Variants in THEMIS observed in about 807,000 individuals in gnomAD.
THEMIS encodes thymocyte selection associated.
THEMIS carries 37 observed loss-of-function variants against 52.6 expected under a neutral mutation model. That is an observed-to-expected ratio of 0.70 (90% CI 0.54 to 0.93). The LOEUF is 0.93. Ranked by LOEUF, THEMIS falls within the 40% of genes least tolerant of loss-of-function variation. The pLI is 0.00. For synonymous variants in THEMIS, 292 were observed against 272.7 expected, an observed-to-expected ratio of 1.07 and a Z score of -0.70; for missense variants, 808 against 763.1, an observed-to-expected ratio of 1.06 and a Z score of -0.69.
chr6:127,755,309 G>A (rs941973544), intron 4 of THEMIS, among the ~76,000 whole-genome samples: 6 of 152,142 alleles, frequency 3.9e-5, no homozygotes, highest in Non-Finnish European at 5.9e-5. Flanking sequence ...TTAGGGATTG[G>A]TTAGTTTGGC....
intron 5 of THEMIS, among the ~76,000 whole-genome samples, chr6:127,712,809 T>G (rs188345119): frequency 8.6e-4 from 131 of 152,032 alleles, no homozygotes; most frequent in African/African-American, 3.2e-3. Flanking sequence ...CAAAATGAAG[T>G]TATAAGCATA....
intron 1 of THEMIS, among the ~76,000 whole-genome samples, chr6:127,896,646 T>G (rs2114490142): frequency 6.6e-6 from 1 of 151,538 alleles, no homozygotes; most frequent in East Asian, 1.9e-4. Context: ...AAATTCAAAG[T>G]GCTAAACTTA....
At chr6:127,895,308 A>G (rs1238462253) in intron 1 of THEMIS, among the ~76,000 whole-genome samples, 1 of 151,516 alleles carries the variant, frequency 6.6e-6, no homozygotes, top group Non-Finnish European at 1.5e-5. Flanking sequence ...TGAAGGCTCT[A>G]GCCTGTAATA....
intron 4 of THEMIS, among the ~76,000 whole-genome samples, chr6:127,790,457 CAAG>C (rs1268661298): frequency 6.6e-6 from 1 of 152,106 alleles, no homozygotes; most frequent in Non-Finnish European, 1.5e-5. Context: ...ACATATGAAA[CAAG>C]AAAATTAAAT....
At chr6:127,742,195 G>C (rs1775224997) in intron 4 of THEMIS, among the ~76,000 whole-genome samples, 1 of 151,406 alleles carries the variant, frequency 6.6e-6, no homozygotes, top group Non-Finnish European at 1.5e-5. Context: ...TGTGCCTGTA[G>C]TCCCAGCTAC....
intron 4 of THEMIS, among the ~76,000 whole-genome samples, chr6:127,725,614 G>T (rs1774517106): frequency 6.6e-6 from 1 of 152,030 alleles, no homozygotes; most frequent in African/African-American, 2.4e-5. Context: ...TTTTTAAAAA[G>T]CAAGAATGTA....
the THEMIS span, among the ~76,000 whole-genome samples, chr6:127,701,753 CTTG>C: frequency 6.6e-6 from 1 of 151,958 alleles, no homozygotes; most frequent in Non-Finnish European, 1.5e-5. Context: ...AATGATATAT[CTTG>C]TTGTAGTTTT....
chr6:127,831,525 C>G (rs1778697923), intron 2 of THEMIS, among the ~76,000 whole-genome samples: 1 of 151,960 alleles, frequency 6.6e-6, no homozygotes, highest in Non-Finnish European at 1.5e-5. Flanking sequence ...CAAGTGTATT[C>G]CAGTGAAATT....
At chr6:127,757,349 T>C (rs1775862196) in intron 4 of THEMIS, among the ~76,000 whole-genome samples, 1 of 152,186 alleles carries the variant, frequency 6.6e-6, no homozygotes, top group Non-Finnish European at 1.5e-5. Flanking sequence ...GAGATACTAA[T>C]ATGTTTAAGT....
intron 4 of THEMIS, among the ~76,000 whole-genome samples, chr6:127,758,124 A>C (rs1775897535): frequency 1.3e-5 from 2 of 151,298 alleles, no homozygotes; most frequent in East Asian, 3.9e-4. Context: ...ATTATACATA[A>C]AATTAACAGA....
chr6:127,721,937 A>C (rs1774377015), intron 4 of THEMIS, among the ~76,000 whole-genome samples: 1 of 152,154 alleles, frequency 6.6e-6, no homozygotes, highest in African/African-American at 2.4e-5. Context: ...AATTCATGCA[A>C]GTTGTGTATA....
At chr6:127,731,694 C>CTT (rs34588130) in intron 4 of THEMIS, among the ~76,000 whole-genome samples, 32 of 93,390 alleles carry the variant, frequency 3.4e-4, no homozygotes, top group South Asian at 6.4e-4. Flanking sequence ...TTTATTGCTA[C>CTT]TTTTTTTTTT....
At chr6:127,874,850 A>G (rs768593467) in intron 1 of THEMIS, among the ~76,000 whole-genome samples, 1 of 152,246 alleles carries the variant, frequency 6.6e-6, no homozygotes. Flanking sequence ...AGACCTTATC[A>G]TTGAGGGAAG....
rs184253809 is a variant in THEMIS, at chr6:127,812,632, T to G, written c.1758+251A>C. ...ACCAAAACCCACTGAAAAGGCAATT[T>G]GGGTCATCATATCCAAATGTCATCT... On this transcript the variant is annotated intron_variant, in intron 4 of 5. Coordinates refer to ENST00000368248, the MANE Select transcript of THEMIS (RefSeq NM_001010923.3). Among the ~76,000 whole-genome samples the G allele has an allele frequency of 5.4e-3, 818 of 152,320 alleles. 8 individuals are homozygous for G. Among genetic ancestry groups the G allele is most frequent in the African/African-American group, 0.019 (781 of 41,572 alleles).
At chr6:127,701,357 A>T in the THEMIS span, among the ~76,000 whole-genome samples, 1 of 152,066 alleles carries the variant, frequency 6.6e-6, no homozygotes, top group Non-Finnish European at 1.5e-5. Context: ...AAGCTGTTGC[A>T]TTTTTGTGTA....
chr6:127,915,252 GTTGT>G (rs1004239539), intron 1 of THEMIS, among the ~76,000 whole-genome samples: 2 of 121,120 alleles, frequency 1.7e-5, no homozygotes, highest in Admixed American at 8.4e-5. Flanking sequence ...TCATTTTGTT[GTTGT>G]TTGTTTGTTT....
chr6:127,857,417 C>A (rs1334046571), intron 1 of THEMIS, among the ~76,000 whole-genome samples: 3 of 151,896 alleles, frequency 2.0e-5, no homozygotes, highest in African/African-American at 7.2e-5. Context: ...ATTCTGGAAA[C>A]TTCAAGTACT....
chr6:127,902,460 G>C (rs917927785), upstream of THEMIS, among the ~76,000 whole-genome samples: 42 of 151,694 alleles, frequency 2.8e-4, no homozygotes, highest in African/African-American at 1.0e-3. Flanking sequence ...AGGCTGCAGA[G>C]AGCATAGCCA....
chr6:127,748,924 C>T (rs1157696618), intron 4 of THEMIS, among the ~76,000 whole-genome samples: 1 of 152,012 alleles, frequency 6.6e-6, no homozygotes, highest in Non-Finnish European at 1.5e-5. Context: ...TGTGAGCACC[C>T]ATCTTAGTTC....
Sources: allele counts gnomAD v4.1 joint callset (sites outside exome capture counted in the v4.1 genomes callset), GRCh38; gene constraint gnomAD v4.1.1; transcripts MANE v1.5; gene names NCBI Gene and HGNC (gene_info 2026-07-23, HGNC 2026-07-21).